Variants in CLYBL observed in about 807,000 individuals in gnomAD.
The protein encoded by CLYBL is citramalyl-CoA lyase, mitochondrial.
A neutral mutation model predicts 38.9 loss-of-function variants in CLYBL; 31 were observed. That is an observed-to-expected ratio of 0.80 (90% CI 0.60 to 1.08). CLYBL has a LOEUF of 1.08. Ranked by LOEUF, CLYBL falls within the 50% of genes least tolerant of loss-of-function variation. CLYBL has a pLI of 0.00. For synonymous variants in CLYBL, 171 were observed against 158.6 expected, an observed-to-expected ratio of 1.08 and a Z score of -0.59; for missense variants, 434 against 411.6, an observed-to-expected ratio of 1.05 and a Z score of -0.47.
intron 1 of CLYBL, among the ~76,000 whole-genome samples, chr13:99,737,176 G>T (rs2048681457): frequency 7.4e-6 from 1 of 134,472 alleles, no homozygotes; most frequent in Non-Finnish European, 1.8e-5. Flanking sequence ...TGCAGGGCCA[G>T]CTCCTTAGCC....
chr13:99,868,712 CA>C (rs1006963585), intron 6 of CLYBL, among the ~76,000 whole-genome samples: 4 of 152,102 alleles, frequency 2.6e-5, no homozygotes, highest in Admixed American at 2.0e-4. Context: ...TATAAATGGC[CA>C]TTAACTTTAG....
chr13:99,739,313 G>A (rs186688780), intron 1 of CLYBL, among the ~76,000 whole-genome samples: 5 of 152,176 alleles, frequency 3.3e-5, no homozygotes, highest in African/African-American at 9.7e-5. Context: ...GGGAGGAAAG[G>A]AAAATATTTT....
chr13:99,666,441 G>A (rs1242983857), intron 1 of CLYBL, among the ~76,000 whole-genome samples: 1 of 152,186 alleles, frequency 6.6e-6, no homozygotes, highest in East Asian at 1.9e-4. Context: ...CTCTGGGATG[G>A]CTCTGGAAAG....
At chr13:99,725,776 G>A (rs923072915) in intron 1 of CLYBL, among the ~76,000 whole-genome samples, 13 of 152,166 alleles carry the variant, frequency 8.5e-5, no homozygotes, top group Non-Finnish European at 1.8e-4. Context: ...GGACTGGAAC[G>A]GCTCCCGGGG....
chr13:99,859,105 GA>G (rs1316732379), intron 3 of CLYBL, 56 bp downstream of exon 3: 1 of 1,445,230 alleles, frequency 6.9e-7, no homozygotes, highest in East Asian at 2.3e-5. Flanking sequence ...GGAGTAGCAG[GA>G]AGAAGGGATC....
At chr13:99,644,614 A>G (rs9742582) in intron 1 of CLYBL, among the ~76,000 whole-genome samples, 2,516 of 152,196 alleles carry the variant, frequency 0.017, 64 homozygotes, top group African/African-American at 0.058. Flanking sequence ...ACTTCTTTCT[A>G]TCTCACTGGA....
chr13:99,694,183 T>G (rs1329388638), intron 1 of CLYBL, among the ~76,000 whole-genome samples: 6 of 152,200 alleles, frequency 3.9e-5, no homozygotes, highest in Non-Finnish European at 5.9e-5. Context: ...GTGGCTGCTC[T>G]GTGTCTTCCC....
rs147237857 is a variant in CLYBL at position 99,636,122 on chromosome 13, C to T, written c.62+29365C>T. ...TATTAACTTTAATTGTGGAATTTCA[C>T]GTAATGTGAAATTCAAAGCTTTATA... On this transcript the variant is annotated intron_variant, in intron 1 of 8. Transcript: ENST00000339105. 5.3e-4 allele frequency among the ~76,000 whole-genome samples: 81 copies of T among 152,132 alleles called. No homozygotes were observed. In the East Asian group the frequency reaches 0.011, roughly 21 times the overall value.
At chr13:99,652,003 G>T (rs1594102401) in intron 1 of CLYBL, among the ~76,000 whole-genome samples, 1 of 152,318 alleles carries the variant, frequency 6.6e-6, no homozygotes, top group Non-Finnish European at 1.5e-5. Context: ...GGGTTTTCCT[G>T]GAAGGATATG....
chr13:99,880,345 A>G (rs990333572), intron 7 of CLYBL, among the ~76,000 whole-genome samples: 3 of 152,270 alleles, frequency 2.0e-5, no homozygotes, highest in South Asian at 4.1e-4. Flanking sequence ...GATTACAGGC[A>G]TGAGCCACTG....
At chr13:99,606,890 C>A in intron 1 of CLYBL, 133 bp downstream of exon 1, 1 of 1,261,618 alleles carries the variant, frequency 7.9e-7, no homozygotes, top group Non-Finnish European at 1.0e-6. Flanking sequence ...CACCATGCGC[C>A]TCCCACGCGC....
Position 99,748,430 on chromosome 13 carries a change from T to G in CLYBL, c.63-24394T>G, listed in dbSNP as rs374310611. ...TGGCAACTATCACTCTAGTTTTGTG[T>G]TTTTTTTTTTTTTTTTTTTTTTTTT... is the stretch of plus-strand genomic sequence containing the variant. On this transcript the variant is annotated intron_variant, in intron 1 of 8. Transcript: ENST00000339105. Among the ~76,000 whole-genome samples, 176 of 33,300 alleles carry G rather than the reference T, an allele frequency of 5.3e-3. 2 individuals are homozygous for G. Among genetic ancestry groups the G allele is most frequent in the South Asian group, 0.022 (18 of 824 alleles). The allele number at this position is 33,300 out of a possible 152,430, so 21.8% of individuals were successfully genotyped here. A position where few individuals can be genotyped will look rare whatever the true frequency, so the allele number is the denominator to read the frequency against.
intron 1 of CLYBL, among the ~76,000 whole-genome samples, chr13:99,626,856 A>C (rs987829110): frequency 2.0e-5 from 3 of 151,914 alleles, no homozygotes; most frequent in African/African-American, 4.8e-5. Flanking sequence ...GATGTAATTT[A>C]AGACATGACA....
At chr13:99,688,696 T>G (rs2047855028) in intron 1 of CLYBL, among the ~76,000 whole-genome samples, 1 of 151,434 alleles carries the variant, frequency 6.6e-6, no homozygotes, top group African/African-American at 2.4e-5. Context: ...AGAGAAGAAA[T>G]ACATTCCTTA....
At chr13:99,803,136 C>T (rs2050168337) in intron 2 of CLYBL, among the ~76,000 whole-genome samples, 1 of 152,224 alleles carries the variant, frequency 6.6e-6, no homozygotes, top group Non-Finnish European at 1.5e-5. Context: ...ATTCAGCCCT[C>T]CTTGCCAGCC....
At position 99,621,769 on chromosome 13, in the gene CLYBL, C is replaced by CA. The variant is rs1183861712; in HGVS notation, c.62+15012_62+15013insA. ...ATTTTTTGGCGATTTTTTTTTTTTT[C>CA]CCTTTAGCTTATCAGCTGTTGTTAG... On this transcript the variant is annotated intron_variant, in intron 1 of 8. Transcript: ENST00000339105. Among the ~76,000 whole-genome samples the CA allele has an allele frequency of 2.4e-5, 3 of 126,920 alleles. No individual in the cohort carries two copies. In the East Asian group the frequency reaches 7.5e-4, roughly 32 times the overall value. The allele number at this position is 126,920 out of a possible 152,430, so 83.3% of individuals were successfully genotyped here.
At position 99,857,690 on chromosome 13, in the gene CLYBL, C is replaced by T. The variant is rs1375415665; in HGVS notation, c.250-1171C>T. 2.6e-5 allele frequency among the ~76,000 whole-genome samples: 4 copies of T among 152,322 alleles called. No homozygotes were observed. The South Asian group carries it at 6.2e-4, about 24-fold the overall frequency. On this transcript the variant is annotated intron_variant, in intron 2 of 8. Transcript: ENST00000339105. ...CATCTGTCTGGTTTAAATCTGCTGT[C>T]CTGGGTTGTCTTGTTGCTGGGACTT... is the stretch of plus-strand genomic sequence containing the variant.
downstream of CLYBL, among the ~76,000 whole-genome samples, chr13:99,897,580 T>C (rs1335754289): frequency 6.6e-6 from 1 of 152,136 alleles, no homozygotes; most frequent in African/African-American, 2.4e-5. Context: ...TGAGGAGGAA[T>C]CCCAAAACTG....
chr13:99,712,610 G>A (rs1594133635), intron 1 of CLYBL, among the ~76,000 whole-genome samples: 1 of 152,044 alleles, frequency 6.6e-6, no homozygotes, highest in African/African-American at 2.4e-5. Flanking sequence ...GCCTCCAAAA[G>A]TGCTGGGATT....
Sources: allele counts gnomAD v4.1 joint callset (sites outside exome capture counted in the v4.1 genomes callset), GRCh38; gene constraint gnomAD v4.1.1; transcripts MANE v1.5; gene names NCBI Gene and HGNC (gene_info 2026-07-23, HGNC 2026-07-21).